The following PABPN1L variants were observed in gnomAD, a reference collection of about 807,000 sequenced individuals.
The protein encoded by PABPN1L is embryonic polyadenylate-binding protein 2.
A neutral mutation model predicts 34.0 loss-of-function variants in PABPN1L; 45 were observed. The observed-to-expected ratio is 1.32, with a 90% CI of 1.04 to 1.70. The LOEUF (loss-of-function observed/expected upper bound fraction) is 1.70, where lower values mean the gene tolerates loss of function less well. Ranked by LOEUF, PABPN1L falls within the 40% of genes most tolerant of loss-of-function variation. The probability of loss-of-function intolerance (pLI) is 0.00; values close to 1 mark genes in which losing one functional copy is unlikely to be tolerated. For synonymous variants in PABPN1L, 182 were observed against 152.1 expected, an observed-to-expected ratio of 1.20 and a Z score of -1.45; for missense variants, 459 against 367.8, an observed-to-expected ratio of 1.25 and a Z score of -2.03.
At chr16:88,866,008 G>C in intron 1 of PABPN1L, 67 bp from the exon 2 acceptor site, 1 of 1,492,710 alleles carries the variant, frequency 6.7e-7, no homozygotes, top group Non-Finnish European at 8.9e-7. Flanking sequence ...GTGGGTGTGT[G>C]GCCTGCCAGC....
At chr16:88,865,505 CT>C (rs1228148771) in intron 3 of PABPN1L, 57 bp downstream of exon 3, 28 of 1,573,364 alleles carry the variant, frequency 1.8e-5, no homozygotes, top group South Asian at 1.5e-4. Flanking sequence ...GCGCCAGACC[CT>C]CTGGTAGAGA....
chr16:88,866,542 G>A (rs772992805), exon 1 of PABPN1L: 1 of 1,551,610 alleles, frequency 6.4e-7, no homozygotes, highest in African/African-American at 1.4e-5. Context: ...AGGGTCTGAG[G>A]AGACCGTCTG....
chr16:88,864,570 A>G (rs1023231309), intron 5 of PABPN1L, among the ~76,000 whole-genome samples, 191 bp from the exon 6 acceptor site: 1 of 130,430 alleles, frequency 7.7e-6, no homozygotes, highest in Non-Finnish European at 1.5e-5. Flanking sequence ...ACCCCTGCAG[A>G]GGGGGGGGTC....
chr16:88,866,674 C>G (rs986804050), upstream of PABPN1L: 1 of 1,456,252 alleles, frequency 6.9e-7, no homozygotes, highest in Non-Finnish European at 9.0e-7. Context: ...TCCGCACCTG[C>G]CCAGGCTCTC....
At chr16:88,864,878 C>G (rs772266506) in exon 5 of PABPN1L, 2 of 1,600,946 alleles carry the variant, frequency 1.2e-6, no homozygotes, top group East Asian at 2.3e-5. Context: ...CCGGAAGAGG[C>G]TCTGGTCCAG....
chr16:88,864,298 C>T (rs1198210712), exon 6 of PABPN1L: 4 of 1,555,730 alleles, frequency 2.6e-6, no homozygotes, highest in Non-Finnish European at 3.5e-6. Context: ...GGGAAGGGTG[C>T]CCCCCTGGAG....
rs200889644 is a variant in PABPN1L at position 88,865,562 on chromosome 16, C to T, written c.459+1G>A. The T allele has an allele frequency of 7.5e-5, 121 of 1,611,424 alleles. No homozygotes were observed. In the African/African-American group the frequency reaches 7.7e-4, roughly 10 times the overall value. On this transcript the variant is annotated splice_donor_variant, in intron 3 of 6. Coordinates refer to ENST00000419291, the Ensembl canonical transcript of PABPN1L. LOFTEE classifies it high-confidence loss of function. ...GCCCCTTCACCCCGCCCACCACTCA[C>T]GTTGCCCACGTAGACGGATCTGTGG...
chr16:88,866,484 C>T (rs1393204555), exon 1 of PABPN1L: 1 of 1,551,436 alleles, frequency 6.4e-7, no homozygotes, highest in South Asian at 1.2e-5. Flanking sequence ...CACCCTCTGG[C>T]CCCAGAATCT....
At chr16:88,864,176 G>C in intron 6 of PABPN1L, 61 bp downstream of exon 6, 1 of 1,503,400 alleles carries the variant, frequency 6.7e-7, no homozygotes, top group Non-Finnish European at 8.9e-7. Flanking sequence ...ACCCCCTCCT[G>C]CCCCTGATGC....
chr16:88,863,936 T>C, intron 6 of PABPN1L, 141 bp from the exon 7 acceptor site: 1 of 930,138 alleles, frequency 1.1e-6, no homozygotes, highest in African/African-American at 1.7e-5. Flanking sequence ...TTCTGGTGAC[T>C]CCCAGCTGCT....
intron 5 of PABPN1L, among the ~76,000 whole-genome samples, chr16:88,864,652 G>A (rs1304571308): frequency 1.3e-5 from 2 of 148,766 alleles, no homozygotes; most frequent in African/African-American, 5.1e-5. Context: ...CCCGAGAGGG[G>A]ACACTTCCCC....
At chr16:88,867,219 CCT>C (rs1491556432), upstream of PABPN1L, among the ~76,000 whole-genome samples, 1 of 144,172 alleles carries the variant, frequency 6.9e-6, no homozygotes, top group African/African-American at 2.9e-5. Flanking sequence ...TTATTCTGGG[CCT>C]TTTTTTTTTT....
In PABPN1L at chr16:88,865,945, C is replaced by A; in HGVS notation, c.256-4G>T. The A allele has an allele frequency of 6.2e-7, 1 of 1,604,972 alleles. No individual in the cohort carries two copies. The highest frequency in any genetic ancestry group is 1.1e-5 in the South Asian group (1 of 90,630). ...TCATCTTGATGGCCTCCAGCTCCTGCCGACACACGGCCCTGAGCCGGGCAG... is the reference window on the plus strand; with the variant it reads ...TCATCTTGATGGCCTCCAGCTCCTGACGACACACGGCCCTGAGCCGGGCAG... On this transcript the variant is annotated splice_region_variant and splice_polypyrimidine_tract_variant and intron_variant, in intron 1 of 6. Coordinates refer to ENST00000419291, the Ensembl canonical transcript of PABPN1L.
At chr16:88,870,004 C>T (rs1472306019), upstream of PABPN1L, among the ~76,000 whole-genome samples, 1 of 152,266 alleles carries the variant, frequency 6.6e-6, no homozygotes, top group Non-Finnish European at 1.5e-5. Context: ...TGTGACCCAA[C>T]ACCAGGGCCC....
intron 6 of PABPN1L, among the ~76,000 whole-genome samples, 158 bp downstream of exon 6, chr16:88,864,079 C>T (rs1447180172): frequency 7.3e-6 from 1 of 137,820 alleles, no homozygotes; most frequent in East Asian, 2.0e-4. Flanking sequence ...AAAAAGCGCC[C>T]CCCCCACCAG....
chr16:88,870,011 G>A (rs917211098), upstream of PABPN1L, among the ~76,000 whole-genome samples: 2 of 152,218 alleles, frequency 1.3e-5, no homozygotes, highest in South Asian at 4.1e-4. Context: ...CAACACCAGG[G>A]CCCCATGGGG....
chr16:88,866,461 TCCTTC>T lies in PABPN1L; in HGVS notation c.141_145del (p.Lys48GlyfsTer30). ...TGCATCCTCTTCCTCCTCTTTCTCCTCCTTCCCTTCCCCACCCTCTGGCCCCAGAA... is the reference window on the plus strand; with the variant it reads ...TGCATCCTCTTCCTCCTCTTTCTCCTCCTTCCCCACCCTCTGGCCCCAGAA... On this transcript the variant is annotated frameshift_variant, in exon 1 of 7. Transcript: ENST00000419291. LOFTEE classifies it high-confidence loss of function. 2.6e-6 allele frequency: 4 copies of T among 1,551,524 alleles called. No homozygotes were observed. Among genetic ancestry groups the T allele is most frequent in the Non-Finnish European group, 3.5e-6 (4 of 1,147,174 alleles).
intron 4 of PABPN1L, 25 bp from the exon 5 acceptor site, chr16:88,864,965 G>GGGGAA (rs1210123126): frequency 3.7e-6 from 6 of 1,605,240 alleles, no homozygotes; most frequent in Non-Finnish European, 5.1e-6. Flanking sequence ...AGGGAGGGGA[G>GGGGAA]GGGTGAGGCT....
rs1269628568 is a variant in PABPN1L, at chr16:88,863,809, G to C, written c.798-14C>G. ...TTTCCACGGGCCCTGCACGGAGAGA[G>C]AACACACACTGAGTGGCCTTCCAGA... On this transcript the variant is annotated splice_polypyrimidine_tract_variant and intron_variant, in intron 6 of 6. Transcript: ENST00000419291. The C allele has an allele frequency of 2.6e-6, 4 of 1,535,418 alleles. No individual in the cohort carries two copies. The highest frequency in any genetic ancestry group is 2.0e-5 in the Admixed American group (1 of 50,960).
Sources: allele counts gnomAD v4.1 joint callset (sites outside exome capture counted in the v4.1 genomes callset), GRCh38; gene constraint gnomAD v4.1.1; transcripts MANE v1.5; gene names NCBI Gene and HGNC (gene_info 2026-07-23, HGNC 2026-07-21).